Variants in TENM4 observed in about 807,000 individuals in gnomAD.
TENM4 encodes the protein teneurin transmembrane protein 4, also known as teneurin-4.
TENM4 carries 82 observed loss-of-function variants against 243.3 expected under a neutral mutation model. The ratio of observed to expected loss-of-function variants is 0.34; its 90% CI spans 0.28 to 0.40. The LOEUF is 0.40. Ranked by LOEUF, TENM4 falls within the 10% of genes least tolerant of loss-of-function variation. The pLI, the probability that TENM4 is intolerant of heterozygous loss-of-function variation, is 1.00. For missense variants in TENM4, 3,138 were observed against 3,673.3 expected (o/e 0.85, Z 3.77); for synonymous variants, 1,412 against 1,456.3 (o/e 0.97, Z 0.69).
intron 3 of TENM4, among the ~76,000 whole-genome samples, chr11:79,188,077 CCT>C (rs1863410635): frequency 6.6e-6 from 1 of 152,196 alleles, no homozygotes; most frequent in African/African-American, 2.4e-5. Flanking sequence ...ACTCATGAGA[CCT>C]CATTTAATCC....
chr11:79,343,862 C>T (rs928750359), intron 1 of TENM4, among the ~76,000 whole-genome samples: 6 of 152,226 alleles, frequency 3.9e-5, no homozygotes, highest in African/African-American at 1.4e-4. Flanking sequence ...AGGCTCATGC[C>T]TGGGTCTGCA....
At chr11:79,218,560 G>A (rs1255008853) in intron 2 of TENM4, among the ~76,000 whole-genome samples, 1 of 152,082 alleles carries the variant, frequency 6.6e-6, no homozygotes, top group Non-Finnish European at 1.5e-5. Flanking sequence ...CAAAGCTTGT[G>A]ACTTGGCTTC....
At chr11:79,276,859 G>T (rs949871048) in intron 2 of TENM4, among the ~76,000 whole-genome samples, 2 of 152,124 alleles carry the variant, frequency 1.3e-5, no homozygotes, top group Admixed American at 6.5e-5. Context: ...GAGAAGGGGA[G>T]ACCTAGCCCA....
intron 1 of TENM4, among the ~76,000 whole-genome samples, chr11:79,302,108 T>C (rs1352454301): frequency 6.6e-6 from 1 of 152,200 alleles, no homozygotes; most frequent in East Asian, 1.9e-4. Flanking sequence ...AAATACTTAC[T>C]GGATTACTTT....
intron 28 of TENM4, among the ~76,000 whole-genome samples, chr11:78,700,187 G>A (rs1181902124): frequency 2.0e-5 from 3 of 152,174 alleles, no homozygotes; most frequent in Admixed American, 6.5e-5. Context: ...TAAAGAGTCA[G>A]GTTCATTTGG....
intron 18 of TENM4, 38 bp from the exon 19 acceptor site, chr11:78,757,059 G>A (rs1259053521): frequency 1.3e-6 from 2 of 1,573,170 alleles, no homozygotes; most frequent in Non-Finnish European, 1.7e-6. Context: ...ATATTGCTAT[G>A]TTCAATCAGC....
chr11:79,221,974 G>A (rs768392947), intron 2 of TENM4, among the ~76,000 whole-genome samples: 3 of 152,172 alleles, frequency 2.0e-5, no homozygotes, highest in Non-Finnish European at 2.9e-5. Context: ...TTTCCACTCC[G>A]TGTTCTTTCT....
intron 3 of TENM4, among the ~76,000 whole-genome samples, chr11:79,151,423 T>C (rs536571986): frequency 6.6e-5 from 10 of 152,286 alleles, no homozygotes; most frequent in African/African-American, 2.4e-4. Context: ...ACAAAGGAAT[T>C]GTTCCAAAGG....
At chr11:79,365,845 G>A (rs1256682974) in intron 1 of TENM4, among the ~76,000 whole-genome samples, 2 of 152,186 alleles carry the variant, frequency 1.3e-5, no homozygotes, top group African/African-American at 2.4e-5. Context: ...CAGATGCCCG[G>A]TGCGGGTAGA....
intron 27 of TENM4, among the ~76,000 whole-genome samples, chr11:78,704,161 A>G (rs1259769723): frequency 1.1e-4 from 7 of 66,084 alleles, no homozygotes; most frequent in African/African-American, 4.6e-4. Flanking sequence ...ATGTGTGTCT[A>G]TATATATATA....
At chr11:79,305,265 C>G (rs1856607909) in intron 1 of TENM4, among the ~76,000 whole-genome samples, 1 of 152,210 alleles carries the variant, frequency 6.6e-6, no homozygotes, top group Non-Finnish European at 1.5e-5. Flanking sequence ...AAGTGAAGAT[C>G]TTTATGCCAG....
intron 3 of TENM4, among the ~76,000 whole-genome samples, chr11:79,207,153 C>A (rs1004792636): frequency 6.6e-6 from 1 of 152,128 alleles, no homozygotes; most frequent in Non-Finnish European, 1.5e-5. Context: ...CCTGCAAGTT[C>A]ACCTCCAGGG....
At position 78,672,194 on chromosome 11, in the gene TENM4, T is replaced by C; in HGVS notation, c.5632A>G (p.Ser1878Gly). Residue 1878 changes from serine (S) to glycine (G), a missense_variant, in exon 31 of 34, where the codon AGC (serine) becomes GGC (glycine). Ser to Gly is a moderately conservative substitution (Grantham distance 56, BLOSUM62 0). Around this residue, in one of 2 missense-constraint regions of TENM4, gnomAD observed 2,467 missense variants for 3,059.1 expected, o/e 0.81. Transcript: ENST00000278550. ...AGRPSLWSPS[S>G]RLNGVNVTYS... is the part of the protein sequence containing the mutation. ...GTCACGTTGACACCATTCAGCCTGC[T>C]GCTGGGTGACCAGAGGCTGGGCCGC... 1 of 1,613,924 alleles carries C rather than the reference T, an allele frequency of 6.2e-7. No individual in the cohort carries two copies. Among genetic ancestry groups the C allele is most frequent in the Non-Finnish European group, 8.5e-7 (1 of 1,179,854 alleles).
intron 1 of TENM4, among the ~76,000 whole-genome samples, chr11:79,423,356 G>A (rs138379936): frequency 1.1e-4 from 17 of 149,404 alleles, no homozygotes; most frequent in African/African-American, 3.2e-4. Context: ...CACTTCCTAC[G>A]GCAAAGTTCC....
At chr11:78,987,233 T>C (rs1857939051) in intron 6 of TENM4, among the ~76,000 whole-genome samples, 1 of 152,152 alleles carries the variant, frequency 6.6e-6, no homozygotes, top group African/African-American at 2.4e-5. Context: ...TCTGGAAACT[T>C]TCCAAATGTC....
chr11:79,050,735 T>A (rs1429216442), intron 6 of TENM4, among the ~76,000 whole-genome samples: 1 of 152,232 alleles, frequency 6.6e-6, no homozygotes, highest in Non-Finnish European at 1.5e-5. Flanking sequence ...GAAGCCAGGC[T>A]GCTGAGCAAT....
chr11:78,895,350 A>T (rs1855767975), intron 7 of TENM4, among the ~76,000 whole-genome samples: 1 of 150,158 alleles, frequency 6.7e-6, no homozygotes, highest in Admixed American at 6.6e-5. Context: ...AAAAAAAAAA[A>T]AGAAAAAACG....
intron 1 of TENM4, among the ~76,000 whole-genome samples, chr11:79,417,537 T>G (rs1000827444): frequency 2.0e-5 from 3 of 152,238 alleles, no homozygotes; most frequent in African/African-American, 4.8e-5. Flanking sequence ...AGTTTCAACT[T>G]CGCATTCTGC....
In TENM4 at chr11:79,299,085, CAT is replaced by C. The variant is rs1491462319; in HGVS notation, c.-320-1544_-320-1543del. On this transcript the variant is annotated intron_variant, in intron 1 of 33. Transcript: ENST00000278550. Reference sequence around the variant, plus strand: ...ATCCACACACACACACACACACACACATACACACACACATACATACACACACA... The same window carrying C: ...ATCCACACACACACACACACACACACACACACACACATACATACACACACA... 7.2e-3 allele frequency among the ~76,000 whole-genome samples: 1,064 copies of C among 148,730 alleles called. 14 individuals are homozygous for C. Among genetic ancestry groups the C allele is most frequent in the African/African-American group, 0.025 (991 of 40,038 alleles).
Sources: gnomAD v4.1 joint callset for allele counts (sites outside exome capture counted in the v4.1 genomes callset) on GRCh38, gnomAD v4.1.1 for gene constraint, gnomAD v4.1.1 regional missense constraint, MANE v1.5 for transcripts, NCBI Gene and HGNC (gene_info 2026-07-23, HGNC 2026-07-21) for gene names.